ZNF566: variants seen among roughly 807,000 people sequenced by gnomAD.
ZNF566 encodes the protein zinc finger protein 566.
Under a neutral mutation model 32.8 loss-of-function variants are expected in ZNF566, and 27 were observed. The observed-to-expected ratio is 0.82, with a 90% CI of 0.61 to 1.14. The LOEUF is 1.14. ZNF566 is among the 50% of genes most tolerant of loss of function. ZNF566 has a pLI of 0.00. For synonymous variants in ZNF566, 154 were observed against 159.5 expected (o/e 0.97, Z 0.26); for missense variants, 402 against 490.4 (o/e 0.82, Z 1.70).
At position 36,449,153 on chromosome 19, in the gene ZNF566, G is replaced by A. The variant is rs776067169; in HGVS notation, c.1081C>T (p.His361Tyr). 6.2e-7 allele frequency: 1 copy of A among 1,614,090 alleles called. No homozygotes were observed. Among genetic ancestry groups the A allele is most frequent in the Non-Finnish European group, 8.5e-7 (1 of 1,180,002 alleles). ...CATTCATAGGGTTTCTCCCCAGTAT[G>A]AATTCTCTGATGTCTAGTAAGGTCT... Reference protein sequence around the residue: ...GSDLTRHQRIHTGEKPYECKI... With the variant: ...GSDLTRHQRIYTGEKPYECKI... The change falls in exon 5 of 5, where the codon CAT (histidine) becomes TAT (tyrosine). Residue 361 changes from histidine to tyrosine, a missense_variant. Coordinates refer to ENST00000452939, the MANE Select transcript of ZNF566 (RefSeq NM_001145344.1).
At position 36,449,492 on chromosome 19, in the gene ZNF566, T is replaced by A. The variant is rs773269677; in HGVS notation, c.742A>T (p.Ile248Phe). The change falls in exon 5 of 5, where the codon ATT becomes TTT. Residue 248 changes from isoleucine to phenylalanine, a missense_variant. By Grantham distance (21) the Ile-to-Phe change is conservative (BLOSUM62 0). Around this residue, in one of 3 missense-constraint regions of ZNF566, gnomAD observed 135 missense variants for 210.0 expected, o/e 0.64. Transcript: ENST00000452939. Reference sequence around the variant, plus strand: ...TCATAGGGTTTCTCACCAGTGTGAATTCTGTGATGTCGAGTAAGGTCTGAG... The same window carrying A: ...TCATAGGGTTTCTCACCAGTGTGAAATCTGTGATGTCGAGTAAGGTCTGAG... The part of the protein sequence containing the change: ...CGSDLTRHHR[I>F]HTGEKPYECK... 1 of 1,614,178 alleles carries A rather than the reference T, an allele frequency of 6.2e-7. No homozygotes were observed. Among genetic ancestry groups the A allele is most frequent in the South Asian group, 1.1e-5 (1 of 91,082 alleles).
intron 4 of ZNF566, among the ~76,000 whole-genome samples, chr19:36,452,893 GC>G (rs1359641663): frequency 1.3e-5 from 2 of 152,098 alleles, no homozygotes; most frequent in Non-Finnish European, 2.9e-5. Flanking sequence ...GCCAAAGCGG[GC>G]AGATCACTAG....
intron 4 of ZNF566, among the ~76,000 whole-genome samples, chr19:36,471,272 C>T (rs1166623474): frequency 6.6e-6 from 1 of 151,736 alleles, no homozygotes; most frequent in Non-Finnish European, 1.5e-5. Context: ...GCACAGCCTT[C>T]TGATGACTTC....
At chr19:36,479,997 C>T (rs1162951280) in intron 1 of ZNF566, among the ~76,000 whole-genome samples, 2 of 151,588 alleles carry the variant, frequency 1.3e-5, no homozygotes, top group Non-Finnish European at 2.9e-5. Context: ...GCATCAGGCC[C>T]CAAAATGAAC....
chr19:36,472,798 C>A, intron 4 of ZNF566, 113 bp downstream of exon 4: 2 of 780,522 alleles, frequency 2.6e-6, no homozygotes. Flanking sequence ...TAGAAAAGGT[C>A]TTACATTTGC....
At chr19:36,486,489 T>C (rs1275300648) in intron 1 of ZNF566, among the ~76,000 whole-genome samples, 1 of 151,976 alleles carries the variant, frequency 6.6e-6, no homozygotes, top group Non-Finnish European at 1.5e-5. Flanking sequence ...CTGACCAATA[T>C]TGTGAAACCC....
At chr19:36,472,549 CT>C (rs1414380109) in intron 4 of ZNF566, among the ~76,000 whole-genome samples, 1 of 152,116 alleles carries the variant, frequency 6.6e-6, no homozygotes, top group Non-Finnish European at 1.5e-5. Flanking sequence ...GCAAATAAGT[CT>C]TTGGCAGTGT....
intron 1 of ZNF566, among the ~76,000 whole-genome samples, chr19:36,483,311 ACTCT>A (rs1455900469): frequency 5.3e-5 from 8 of 152,096 alleles, no homozygotes; most frequent in Admixed American, 1.3e-4. Context: ...GTATTTTCTC[ACTCT>A]CTCCACTGAC....
intron 1 of ZNF566, among the ~76,000 whole-genome samples, chr19:36,480,362 G>A (rs192428069): frequency 2.6e-3 from 374 of 146,466 alleles, no homozygotes; most frequent in African/African-American, 8.6e-3. Flanking sequence ...TTGGTTTACT[G>A]TAACCTCTGC....
rs1204010976 is a variant in ZNF566 at position 36,446,261 on chromosome 19, T to TTTTC, written c.*2712_*2715dup. The TTTTC allele has an allele frequency of 6.9e-6, 1 of 145,640 alleles. No homozygotes were observed. Among genetic ancestry groups the TTTTC allele is most frequent in the Non-Finnish European group, 1.5e-5 (1 of 66,624 alleles). The allele number at this position is 145,640 out of a possible 1,614,324, so 9.0% of individuals were successfully genotyped here. ...ACGGAGAAGGGCAAAGATAATCATT[T>TTTTC]TTTCTTTCTTTTTTTTTTTTTTTTT... On this transcript the variant is annotated 3_prime_UTR_variant, in exon 5 of 5. Coordinates refer to ENST00000452939, the MANE Select transcript of ZNF566 (RefSeq NM_001145344.1).
chr19:36,457,582 T>C (rs947818234), intron 4 of ZNF566, among the ~76,000 whole-genome samples: 1 of 152,116 alleles, frequency 6.6e-6, no homozygotes, highest in African/African-American at 2.4e-5. Flanking sequence ...AAAATGGAAA[T>C]TGAAACCACA....
intron 1 of ZNF566, among the ~76,000 whole-genome samples, chr19:36,486,711 C>T (rs907175047): frequency 7.5e-5 from 11 of 146,934 alleles, no homozygotes; most frequent in African/African-American, 2.8e-4. Context: ...AAGAAAAGAA[C>T]ATTTTTAAAA....
At position 36,467,790 on chromosome 19, in the gene ZNF566, C is replaced by CA. The variant is rs560803094; in HGVS notation, c.232+5120dup. The stretch of plus-strand genomic sequence containing the variant: ...TGGGTGACAGAGCGAGACTCCATCT[C>CA]AAAAAAAAAAAAAAAAAAAAAAAAA... On this transcript the variant is annotated intron_variant, in intron 4 of 4. Coordinates refer to ENST00000452939, the MANE Select transcript of ZNF566 (RefSeq NM_001145344.1). 3.4e-3 allele frequency among the ~76,000 whole-genome samples: 291 copies of CA among 85,858 alleles called. 15 individuals are homozygous for CA. The highest frequency in any genetic ancestry group is 4.6e-3 in the Non-Finnish European group (215 of 46,848). The allele number at this position is 85,858 out of a possible 152,430, so 56.3% of individuals were successfully genotyped here.
At position 36,449,829 on chromosome 19, in the gene ZNF566, CT is replaced by C; in HGVS notation, c.404del (p.Gln135ArgfsTer18). 1 of 1,614,158 alleles carries C rather than the reference CT, an allele frequency of 6.2e-7. No individual in the cohort carries two copies. Among genetic ancestry groups the C allele is most frequent in the East Asian group, 2.2e-5 (1 of 44,874 alleles). On this transcript the variant is annotated frameshift_variant, in exon 5 of 5. Transcript: ENST00000452939. LOFTEE classifies it high-confidence loss of function. ...ATACCAATTGATTGAAATGTCCCCCCTGAGAGCCGAGTTCTTTCTTAAACTG... is the reference window on the plus strand; with the variant it reads ...ATACCAATTGATTGAAATGTCCCCCCGAGAGCCGAGTTCTTTCTTAAACTG... ...NRQFKKELGS[Q>X]GGHFNQLVFT...
In ZNF566 at chr19:36,467,434, C is replaced by CAA. The variant is rs34170364; in HGVS notation, c.232+5475_232+5476dup. 8.0e-3 allele frequency among the ~76,000 whole-genome samples: 622 copies of CAA among 77,494 alleles called. 9 individuals carry two copies. The highest frequency in any genetic ancestry group is 0.029 in the African/African-American group (565 of 19,468). 50.8% of individuals were successfully genotyped at this position (77,494 alleles called of 152,430 possible). On this transcript the variant is annotated intron_variant, in intron 4 of 4. Transcript: ENST00000452939. ...TGGGCAACAATGTGAGGCTCTGTCT[C>CAA]AAAAAAAAAAAAAAAAAAAGAATTT... is the stretch of plus-strand genomic sequence containing the variant.
chr19:36,480,737 A>T (rs2034007464), intron 1 of ZNF566, among the ~76,000 whole-genome samples: 1 of 151,476 alleles, frequency 6.6e-6, no homozygotes, highest in Non-Finnish European at 1.5e-5. Flanking sequence ...GTGAATGTTT[A>T]AAAGCTTCGG....
At chr19:36,488,317 G>A (rs2967474) in intron 1 of ZNF566, among the ~76,000 whole-genome samples, 96,778 of 151,912 alleles carry the variant, frequency 0.64, 31,417 homozygotes, top group Non-Finnish European at 0.68. Context: ...CTGGTCTCCA[G>A]CTCCTGGCCT....
Position 36,447,489 on chromosome 19 carries a change from T to C in ZNF566, c.*1488A>G, listed in dbSNP as rs553139799. 1 of 152,328 alleles carries C rather than the reference T, an allele frequency of 6.6e-6. No homozygotes were observed. Among genetic ancestry groups the C allele is most frequent in the South Asian group, 2.1e-4 (1 of 4,830 alleles). 9.4% of individuals were successfully genotyped at this position (152,328 alleles called of 1,614,324 possible). On this transcript the variant is annotated 3_prime_UTR_variant, in exon 5 of 5. Transcript: ENST00000452939. ...TTTTCTTGGAGTCAATATTGATGTA[T>C]ATTTTCCTTAAAAACCATTTTGTTT...
intron 4 of ZNF566, among the ~76,000 whole-genome samples, chr19:36,467,790 CAA>C (rs560803094): frequency 1.4e-3 from 119 of 85,802 alleles, no homozygotes; most frequent in Middle Eastern, 0.014. Flanking sequence ...GACTCCATCT[CAA>C]AAAAAAAAAA....
Sources: allele counts gnomAD v4.1 joint callset (sites outside exome capture counted in the v4.1 genomes callset), GRCh38; gene constraint gnomAD v4.1.1; regional missense constraint gnomAD v4.1.1; transcripts MANE v1.5; gene names NCBI Gene and HGNC (gene_info 2026-07-23, HGNC 2026-07-21).